The following UBE2D1 variants were observed in gnomAD, a reference collection of about 807,000 sequenced individuals.
UBE2D1 encodes the protein ubiquitin-conjugating enzyme E2 D1.
A neutral mutation model predicts 24.6 loss-of-function variants in UBE2D1; 9 were observed. The ratio of observed to expected loss-of-function variants is 0.37; its 90% CI spans 0.22 to 0.64. UBE2D1 has a LOEUF of 0.64. UBE2D1 is among the 30% of genes least tolerant of loss of function. The pLI is 0.64. For missense variants in UBE2D1, 87 were observed against 177.1 expected, an observed-to-expected ratio of 0.49 and a Z score of 2.89; for synonymous variants, 57 against 57.6, an observed-to-expected ratio of 0.99 and a Z score of 0.04.
At chr10:58,347,895 C>T (rs1057316068) in intron 1 of UBE2D1, among the ~76,000 whole-genome samples, 10 of 152,100 alleles carry the variant, frequency 6.6e-5, no homozygotes, top group Admixed American at 2.0e-4. Context: ...GTGATCTCCC[C>T]GCCTTGGCCT....
intron 4 of UBE2D1, among the ~76,000 whole-genome samples, chr10:58,364,188 A>G (rs1840230435): frequency 6.6e-6 from 1 of 152,188 alleles, no homozygotes; most frequent in Admixed American, 6.5e-5. Context: ...GAGGAAACAA[A>G]TGATGGGGAT....
In UBE2D1 at chr10:58,367,976, G is replaced by C; in HGVS notation, c.358G>C (p.Val120Leu). Residue 120 changes from valine (V) to leucine (L), a missense_variant, in exon 6 of 7, where the codon GTA becomes CTA. Transcript: ENST00000373910. ...TGATCCTAATCCAGATGACCCCTTA[G>C]TACCAGATATTGCACAAATCTATAA... ...LCDPNPDDPL[V>L]PDIAQIYKSD... is the part of the protein sequence containing the mutation. The C allele has an allele frequency of 6.2e-7, 1 of 1,610,618 alleles. No individual in the cohort carries two copies. The highest frequency in any genetic ancestry group is 8.5e-7 in the Non-Finnish European group (1 of 1,177,926).
chr10:58,340,387 C>G (rs1232624715), intron 1 of UBE2D1, among the ~76,000 whole-genome samples: 1 of 152,142 alleles, frequency 6.6e-6, no homozygotes, highest in Non-Finnish European at 1.5e-5. Flanking sequence ...CCTTGTTCAG[C>G]AGAGCAAATT....
chr10:58,359,069 A>G lies in UBE2D1; in HGVS notation c.25-2269A>G, dbSNP rs146215802. Among the ~76,000 whole-genome samples, 849 of 151,948 alleles carry G rather than the reference A, an allele frequency of 5.6e-3. 26 individuals are homozygous for G. Among genetic ancestry groups the G allele is most frequent in the Non-Finnish European group, 2.3e-3 (158 of 67,956 alleles). On this transcript the variant is annotated intron_variant, in intron 1 of 6. Coordinates refer to ENST00000373910, the MANE Select transcript of UBE2D1 (RefSeq NM_003338.5). Reference sequence around the variant, plus strand: ...ATGAAAATACCAAGGTATACTGGAAAATAACATTGAGCTTAGAAGGAGACC... The same window carrying G: ...ATGAAAATACCAAGGTATACTGGAAGATAACATTGAGCTTAGAAGGAGACC...
chr10:58,338,347 A>G (rs1376699293), intron 1 of UBE2D1, among the ~76,000 whole-genome samples: 1 of 152,208 alleles, frequency 6.6e-6, no homozygotes, highest in African/African-American at 2.4e-5. Context: ...TAATGCTCTG[A>G]TTTAGTGTGC....
intron 1 of UBE2D1, among the ~76,000 whole-genome samples, chr10:58,348,005 A>G (rs1452123153): frequency 6.6e-6 from 1 of 152,176 alleles, no homozygotes; most frequent in African/African-American, 2.4e-5. Context: ...TGGCAAAGTC[A>G]CATATTATTG....
At chr10:58,361,600 A>T (rs1444255634) in intron 3 of UBE2D1, 74 bp downstream of exon 3, 2 of 1,583,232 alleles carry the variant, frequency 1.3e-6, no homozygotes, top group African/African-American at 2.7e-5. Flanking sequence ...CTTTGATCAG[A>T]TGTTTGTGAT....
chr10:58,347,593 A>G (rs1381142724), intron 1 of UBE2D1, among the ~76,000 whole-genome samples: 1 of 151,682 alleles, frequency 6.6e-6, no homozygotes, highest in East Asian at 1.9e-4. Context: ...CACTGAGTAA[A>G]TAATGTCTGT....
intron 5 of UBE2D1, among the ~76,000 whole-genome samples, chr10:58,365,211 C>A (rs1589004391): frequency 6.6e-6 from 1 of 152,122 alleles, no homozygotes; most frequent in East Asian, 1.9e-4. Context: ...TGGCTCATGC[C>A]TGTTATTCTA....
At chr10:58,342,834 G>GTTTTTTTTTTTT (rs775705117) in intron 1 of UBE2D1, among the ~76,000 whole-genome samples, 12 of 126,724 alleles carry the variant, frequency 9.5e-5, no homozygotes, top group Non-Finnish European at 1.5e-4. Context: ...TTTTTTTTTT[G>GTTTTTTTTTTTT]TTTTTTTTTT....
At chr10:58,356,309 A>G (rs1840130798) in intron 1 of UBE2D1, among the ~76,000 whole-genome samples, 1 of 152,128 alleles carries the variant, frequency 6.6e-6, no homozygotes, top group Non-Finnish European at 1.5e-5. Context: ...TAGAATTTAT[A>G]TGTATATTAT....
chr10:58,363,018 C>T (rs1840217000), intron 3 of UBE2D1, among the ~76,000 whole-genome samples: 1 of 151,974 alleles, frequency 6.6e-6, no homozygotes, highest in Non-Finnish European at 1.5e-5. Flanking sequence ...TTGATAGTAG[C>T]ATGAATATAT....
At chr10:58,368,661 G>T in intron 6 of UBE2D1, 59 bp from the exon 7 acceptor site, 3 of 1,247,236 alleles carry the variant, frequency 2.4e-6, no homozygotes, top group Non-Finnish European at 3.3e-6. Context: ...TTATTAGACA[G>T]ATGCTTCTGA....
chr10:58,357,381 G>T (rs931826323), intron 1 of UBE2D1, among the ~76,000 whole-genome samples: 5 of 152,118 alleles, frequency 3.3e-5, no homozygotes, highest in Non-Finnish European at 7.4e-5. Context: ...AAAACTTAGA[G>T]TAATCTAAAT....
intron 4 of UBE2D1, among the ~76,000 whole-genome samples, chr10:58,364,274 T>C (rs893468481): frequency 6.6e-6 from 1 of 152,166 alleles, no homozygotes; most frequent in Non-Finnish European, 1.5e-5. Flanking sequence ...CAGATTAACA[T>C]TGTATTTATG....
intron 1 of UBE2D1, among the ~76,000 whole-genome samples, chr10:58,338,549 T>G (rs1839927735): frequency 6.6e-6 from 1 of 152,220 alleles, no homozygotes; most frequent in African/African-American, 2.4e-5. Context: ...TAGAAGTAAT[T>G]TCTAAGTTGT....
intron 1 of UBE2D1, among the ~76,000 whole-genome samples, chr10:58,346,045 C>G (rs1333855432): frequency 6.7e-6 from 1 of 148,210 alleles, no homozygotes; most frequent in African/African-American, 2.5e-5. Flanking sequence ...GAGTCTCACT[C>G]TGTCACCCAG....
intron 1 of UBE2D1, among the ~76,000 whole-genome samples, chr10:58,351,830 C>T (rs944339559): frequency 2.0e-5 from 3 of 152,140 alleles, no homozygotes; most frequent in African/African-American, 7.2e-5. Flanking sequence ...ATCACTAAAG[C>T]ATATGAGTAA....
At chr10:58,353,976 G>A (rs1051752505) in intron 1 of UBE2D1, among the ~76,000 whole-genome samples, 5 of 152,182 alleles carry the variant, frequency 3.3e-5, no homozygotes, top group African/African-American at 9.6e-5. Context: ...GTATTATGGC[G>A]GGATCCATAA....
Sources: gnomAD v4.1 joint callset for allele counts (sites outside exome capture counted in the v4.1 genomes callset) on GRCh38, gnomAD v4.1.1 for gene constraint, MANE v1.5 for transcripts, NCBI Gene and HGNC (gene_info 2026-07-23, HGNC 2026-07-21) for gene names.